CCSER1: variants seen among roughly 807,000 people sequenced by gnomAD.
CCSER1 encodes the protein serine-rich coiled-coil domain-containing protein 1.
A neutral mutation model predicts 82.0 loss-of-function variants in CCSER1; 41 were observed. The ratio of observed to expected loss-of-function variants is 0.50; its 90% CI spans 0.39 to 0.65. The LOEUF (loss-of-function observed/expected upper bound fraction) is 0.65. Ranked by LOEUF, CCSER1 falls within the 30% of genes least tolerant of loss-of-function variation. CCSER1 has a pLI of 0.00. For missense variants in CCSER1, 1,119 were observed against 1,064.2 expected (o/e 1.05, Z -0.72); for synonymous variants, 414 against 383.9 (o/e 1.08, Z -0.92).
At chr4:91,302,782 C>G (rs980386109) in intron 10 of CCSER1, among the ~76,000 whole-genome samples, 15 of 148,370 alleles carry the variant, frequency 1.0e-4, no homozygotes, top group Admixed American at 8.9e-4. Context: ...ATCTGCTATT[C>G]TCTATGCCTG....
At chr4:91,378,235 T>C (rs1383398752) in intron 10 of CCSER1, among the ~76,000 whole-genome samples, 1 of 152,206 alleles carries the variant, frequency 6.6e-6, no homozygotes, top group Admixed American at 6.5e-5. Context: ...CCATGCAGGC[T>C]CTTTTGTGGT....
intron 5 of CCSER1, among the ~76,000 whole-genome samples, chr4:90,567,592 A>G (rs62314382): frequency 6.8e-6 from 1 of 146,078 alleles, no homozygotes; most frequent in African/African-American, 2.6e-5. Flanking sequence ...ACCCAGCCAG[A>G]AATTTTTTTT....
At chr4:90,950,494 A>C (rs1448731322) in intron 9 of CCSER1, among the ~76,000 whole-genome samples, 4 of 151,880 alleles carry the variant, frequency 2.6e-5, no homozygotes, top group Non-Finnish European at 5.9e-5. Flanking sequence ...TCTTAAAACA[A>C]AACATACACA....
At chr4:91,167,171 C>T (rs1003854214) in intron 10 of CCSER1, among the ~76,000 whole-genome samples, 1 of 144,168 alleles carries the variant, frequency 6.9e-6, no homozygotes, top group African/African-American at 2.6e-5. Flanking sequence ...AAATACATGA[C>T]AAGAATTGCA....
chr4:90,233,385 A>G (rs1402767349), intron 1 of CCSER1, among the ~76,000 whole-genome samples: 1 of 152,012 alleles, frequency 6.6e-6, no homozygotes, highest in Admixed American at 6.6e-5. Context: ...AAAAAACCCA[A>G]CACCGCATAT....
At chr4:90,959,742 T>TTC (rs1271477294) in intron 9 of CCSER1, among the ~76,000 whole-genome samples, 1 of 150,068 alleles carries the variant, frequency 6.7e-6, no homozygotes, top group Non-Finnish European at 1.5e-5. Context: ...CGGGTTTTCT[T>TTC]TTTTTTTTTT....
intron 8 of CCSER1, among the ~76,000 whole-genome samples, chr4:90,820,626 TTTGG>T: frequency 6.6e-6 from 1 of 152,106 alleles, no homozygotes; most frequent in African/African-American, 2.4e-5. Flanking sequence ...AATGACAGAA[TTTGG>T]GGCGACATAC....
intron 1 of CCSER1, among the ~76,000 whole-genome samples, chr4:90,207,687 C>T (rs1001234461): frequency 2.6e-5 from 4 of 152,000 alleles, no homozygotes; most frequent in Non-Finnish European, 4.4e-5. Flanking sequence ...TTTGTGGGGA[C>T]GTCCTTTTTG....
chr4:91,144,839 T>G (rs1038899764), intron 10 of CCSER1, among the ~76,000 whole-genome samples: 5 of 152,078 alleles, frequency 3.3e-5, no homozygotes, highest in African/African-American at 1.2e-4. Flanking sequence ...TTGATAGGAT[T>G]TTGATTTTTA....
Position 91,433,321 on chromosome 4 carries a change from C to T in CCSER1, c.2218-165251C>T, listed in dbSNP as rs573474418. Among the ~76,000 whole-genome samples the T allele has an allele frequency of 3.9e-5, 6 of 152,228 alleles. No homozygotes were observed. The East Asian group carries it at 9.7e-4, about 25-fold the overall frequency. Reference sequence around the variant, plus strand: ...CCTAGTGACACTGTGGCCATCATAACGTCATAGCACAACTGCTTTATTTCT... The same window carrying T: ...CCTAGTGACACTGTGGCCATCATAATGTCATAGCACAACTGCTTTATTTCT... On this transcript the variant is annotated intron_variant, in intron 10 of 10. Transcript: ENST00000509176.
At chr4:91,455,823 A>G (rs1756136248) in intron 10 of CCSER1, among the ~76,000 whole-genome samples, 1 of 152,062 alleles carries the variant, frequency 6.6e-6, no homozygotes, top group Non-Finnish European at 1.5e-5. Flanking sequence ...AGATGTGTGT[A>G]TGTGGAGGAA....
rs966546748 is a variant in CCSER1 at position 90,403,554 on chromosome 4, T to C, written c.1603+3425T>C. 5.4e-5 allele frequency among the ~76,000 whole-genome samples: 8 copies of C among 148,926 alleles called. 1 individual carries two copies. The East Asian group carries it at 7.8e-4, about 14-fold the overall frequency. Reference sequence around the variant, plus strand: ...ACCTCAGATTATAAGAAGCTTATGATTGATAATTGATATTGATAAAAATCA... The same window carrying C: ...ACCTCAGATTATAAGAAGCTTATGACTGATAATTGATATTGATAAAAATCA... On this transcript the variant is annotated intron_variant, in intron 4 of 10. Transcript: ENST00000509176.
intron 7 of CCSER1, among the ~76,000 whole-genome samples, chr4:90,789,495 T>A (rs2149652347): frequency 6.6e-6 from 1 of 152,318 alleles, no homozygotes; most frequent in Middle Eastern, 3.4e-3. Context: ...AGCCAATGTC[T>A]ACTGATATGG....
chr4:91,118,728 C>T (rs1445675969), intron 10 of CCSER1, among the ~76,000 whole-genome samples: 2 of 152,296 alleles, frequency 1.3e-5, no homozygotes, highest in East Asian at 3.9e-4. Context: ...CCTAATTATA[C>T]TTCAGTGCTC....
chr4:90,373,901 T>G (rs1973145), intron 3 of CCSER1, among the ~76,000 whole-genome samples: 55,466 of 152,050 alleles, frequency 0.36, 10,638 homozygotes, highest in African/African-American at 0.47. Context: ...TGCAAACCAC[T>G]GCATGTACAG....
intron 3 of CCSER1, among the ~76,000 whole-genome samples, chr4:90,342,029 A>G (rs533618087): frequency 1.3e-4 from 20 of 152,318 alleles, no homozygotes; most frequent in African/African-American, 3.6e-4. Flanking sequence ...AATCTGGATT[A>G]TCTTTACTTC....
intron 7 of CCSER1, chr4:90,781,412 G>T: frequency 1.0e-6 from 1 of 985,386 alleles, no homozygotes; most frequent in Non-Finnish European, 1.2e-6. Flanking sequence ...TAAAATCTCT[G>T]TAATACTAAC....
intron 10 of CCSER1, among the ~76,000 whole-genome samples, chr4:91,121,417 A>C (rs937537649): frequency 6.6e-6 from 1 of 151,760 alleles, no homozygotes; most frequent in Non-Finnish European, 1.5e-5. Context: ...GTGTAAGGAA[A>C]AGAAGTTGTC....
At chr4:91,366,397 A>G (rs1023097438) in intron 10 of CCSER1, among the ~76,000 whole-genome samples, 2 of 152,182 alleles carry the variant, frequency 1.3e-5, no homozygotes, top group Non-Finnish European at 2.9e-5. Context: ...GCATTGTACC[A>G]TTTATCTGTA....
Sources: gnomAD v4.1 joint callset for allele counts (sites outside exome capture counted in the v4.1 genomes callset) on GRCh38, gnomAD v4.1.1 for gene constraint, MANE v1.5 for transcripts, NCBI Gene and HGNC (gene_info 2026-07-23, HGNC 2026-07-21) for gene names.